DPP6: variants seen among roughly 807,000 people sequenced by gnomAD.
DPP6 encodes the protein A-type potassium channel modulatory protein DPP6.
Under a neutral mutation model 122.6 loss-of-function variants are expected in DPP6, and 69 were observed. The ratio of observed to expected loss-of-function variants is 0.56; its 90% CI spans 0.46 to 0.69. DPP6 has a LOEUF of 0.69. Among genes scored for constraint, DPP6 ranks in the 30% least tolerant of loss-of-function variants. DPP6 has a pLI of 0.00. For missense variants in DPP6, 928 were observed against 1,116.9 expected (o/e 0.83, Z 2.41); for synonymous variants, 418 against 433.1 (o/e 0.97, Z 0.43).
chr7:153,966,437 G>C (rs1184041053), intron 1 of DPP6, among the ~76,000 whole-genome samples: 1 of 148,606 alleles, frequency 6.7e-6, no homozygotes, highest in Non-Finnish European at 1.5e-5. Flanking sequence ...CATTCCCCTC[G>C]TCTTCCCTCT....
At chr7:154,029,616 GTA>G (rs1205812366) in intron 1 of DPP6, among the ~76,000 whole-genome samples, 16 of 150,138 alleles carry the variant, frequency 1.1e-4, no homozygotes, top group Middle Eastern at 3.7e-3. Context: ...GGAGGCTGAG[GTA>G]GGTGGATCAT....
At chr7:153,787,118 A>T in the DPP6 span, among the ~76,000 whole-genome samples, 39,307 of 126,002 alleles carry the variant, frequency 0.31, 7,265 homozygotes, top group South Asian at 0.41. Context: ...CGCCCGGCTA[A>T]TTTTTGTATT....
At chr7:153,793,095 A>T in the DPP6 span, among the ~76,000 whole-genome samples, 1 of 152,136 alleles carries the variant, frequency 6.6e-6, no homozygotes, top group African/African-American at 2.4e-5. Context: ...CGGTAAATTG[A>T]TACCAGTACA....
chr7:154,354,131 G>T (rs1018664219), intron 1 of DPP6, among the ~76,000 whole-genome samples: 1 of 152,126 alleles, frequency 6.6e-6, no homozygotes, highest in African/African-American at 2.4e-5. Flanking sequence ...AGAACTCAAA[G>T]TGCACGCCTG....
chr7:154,578,976 C>G (rs1391031421), intron 5 of DPP6, among the ~76,000 whole-genome samples: 1 of 152,144 alleles, frequency 6.6e-6, no homozygotes, highest in East Asian at 1.9e-4. Context: ...CATAATCTAG[C>G]TCTCCACCTG....
intron 1 of DPP6, among the ~76,000 whole-genome samples, chr7:154,113,318 A>G (rs1242980269): frequency 1.3e-5 from 2 of 151,936 alleles, no homozygotes; most frequent in African/African-American, 2.4e-5. Context: ...CAAAGTGGCT[A>G]TACCATTTTG....
the DPP6 span, among the ~76,000 whole-genome samples, chr7:153,859,353 C>T: frequency 6.6e-6 from 1 of 152,162 alleles, no homozygotes; most frequent in Admixed American, 6.5e-5. Context: ...AAGCTGGAGT[C>T]GGGAGGCTGG....
At chr7:154,570,659 C>T (rs1831050790) in intron 5 of DPP6, among the ~76,000 whole-genome samples, 1 of 152,194 alleles carries the variant, frequency 6.6e-6, no homozygotes, top group Non-Finnish European at 1.5e-5. Context: ...AATGTGGGAT[C>T]ATGCTAATTA....
At chr7:154,537,866 T>A (rs1035021310) in intron 3 of DPP6, among the ~76,000 whole-genome samples, 1 of 152,092 alleles carries the variant, frequency 6.6e-6, no homozygotes, top group Non-Finnish European at 1.5e-5. Context: ...TAGAATGGTT[T>A]GTAATAACAA....
At chr7:153,886,342 C>T (rs1262252351), upstream of DPP6, among the ~76,000 whole-genome samples, 1 of 152,150 alleles carries the variant, frequency 6.6e-6, no homozygotes, top group Non-Finnish European at 1.5e-5. Context: ...AGACGGGAAC[C>T]CAGGTCGCGG....
chr7:153,799,484 T>G, the DPP6 span, among the ~76,000 whole-genome samples: 2 of 152,170 alleles, frequency 1.3e-5, no homozygotes, highest in Non-Finnish European at 2.9e-5. Flanking sequence ...AAGCAGACAC[T>G]GCCCCTGCTC....
intron 2 of DPP6, among the ~76,000 whole-genome samples, chr7:154,455,640 T>G (rs1328657158): frequency 6.6e-6 from 1 of 152,140 alleles, no homozygotes; most frequent in Non-Finnish European, 1.5e-5. Flanking sequence ...TCTTTTGATT[T>G]CCCATCATTA....
chr7:154,313,999 A>G (rs1287113711), intron 1 of DPP6, among the ~76,000 whole-genome samples: 1 of 151,942 alleles, frequency 6.6e-6, no homozygotes, highest in Non-Finnish European at 1.5e-5. Context: ...AAAACCATGA[A>G]GCTGTAACAA....
At chr7:153,933,151 T>C (rs1399415930) in intron 1 of DPP6, among the ~76,000 whole-genome samples, 1 of 152,256 alleles carries the variant, frequency 6.6e-6, no homozygotes, top group Non-Finnish European at 1.5e-5. Context: ...CAAGTATTTC[T>C]TCATAGCAGT....
chr7:153,916,412 T>TCCTCC (rs940975832), intron 1 of DPP6, among the ~76,000 whole-genome samples: 1 of 83,052 alleles, frequency 1.2e-5, no homozygotes, highest in African/African-American at 4.8e-5. Context: ...CCCTCCTCTC[T>TCCTCC]CCTCCCCTCC....
rs183881908 is a variant in DPP6 at position 154,540,393 on chromosome 7, A to G, written c.458-139A>G. 695 of 642,302 alleles carry G rather than the reference A, an allele frequency of 1.1e-3. 5 individuals are homozygous for G. In the East Asian group the frequency reaches 0.019, roughly 17 times the overall value. 39.8% of individuals were successfully genotyped at this position (642,302 alleles called of 1,614,324 possible). A position where few individuals can be genotyped will look rare whatever the true frequency, so the allele number is the denominator to read the frequency against. On this transcript the variant is annotated intron_variant, in intron 3 of 25. Coordinates refer to ENST00000377770, the MANE Select transcript of DPP6 (RefSeq NM_130797.4). Reference sequence around the variant, plus strand: ...TAAGAAGAGCTGGGCATATTGCACCATATTGAAAGGGCCGTTTGATGAGTG... The same window carrying G: ...TAAGAAGAGCTGGGCATATTGCACCGTATTGAAAGGGCCGTTTGATGAGTG...
intron 1 of DPP6, among the ~76,000 whole-genome samples, chr7:154,112,652 GA>G (rs71520147): frequency 1.3e-4 from 18 of 136,084 alleles, no homozygotes; most frequent in East Asian, 4.3e-4. Context: ...CTCAAAAAAA[GA>G]AAAAAAAAAG....
intron 1 of DPP6, among the ~76,000 whole-genome samples, chr7:154,310,881 G>T (rs1249019482): frequency 6.6e-6 from 1 of 152,176 alleles, no homozygotes; most frequent in Non-Finnish European, 1.5e-5. Flanking sequence ...ATGGAAATGA[G>T]CTGTGCCTGT....
intron 1 of DPP6, among the ~76,000 whole-genome samples, chr7:154,238,748 A>C (rs1205009698): frequency 6.6e-6 from 1 of 152,208 alleles, no homozygotes; most frequent in Non-Finnish European, 1.5e-5. Flanking sequence ...TCTACATTTA[A>C]AACTATTCTC....
Sources: gnomAD v4.1 joint callset for allele counts (sites outside exome capture counted in the v4.1 genomes callset) on GRCh38, gnomAD v4.1.1 for gene constraint, MANE v1.5 for transcripts, NCBI Gene and HGNC (gene_info 2026-07-23, HGNC 2026-07-21) for gene names.